Variants in TRPM8 observed in about 807,000 individuals in gnomAD.
TRPM8 encodes the protein transient receptor potential cation channel subfamily M member 8, also known as TRPM8 cationic channel.
In TRPM8, 110 loss-of-function variants were observed where a neutral mutation model predicts 133.7. That is an observed-to-expected ratio of 0.82 (90% CI 0.70 to 0.96). The LOEUF (loss-of-function observed/expected upper bound fraction) is 0.96. Among genes scored for constraint, TRPM8 ranks in the 40% least tolerant of loss-of-function variants. TRPM8 has a pLI of 0.00. For missense variants in TRPM8, 1,291 were observed against 1,379.5 expected (o/e 0.94, Z 1.02); for synonymous variants, 535 against 532.3 (o/e 1.01, Z -0.07).
At chr2:233,962,916 T>C (rs542539917) in intron 12 of TRPM8, among the ~76,000 whole-genome samples, 2 of 152,260 alleles carry the variant, frequency 1.3e-5, no homozygotes, top group South Asian at 2.1e-4. Flanking sequence ...ACTTAAGCCA[T>C]AGGAAAGTTG....
chr2:234,001,402 A>T (rs989526550), intron 22 of TRPM8, among the ~76,000 whole-genome samples: 2 of 152,234 alleles, frequency 1.3e-5, no homozygotes, highest in Non-Finnish European at 2.9e-5. Flanking sequence ...GACGGCCCCC[A>T]GAAACCAATG....
intron 17 of TRPM8, among the ~76,000 whole-genome samples, chr2:233,976,860 C>A (rs1691884876): frequency 6.6e-6 from 1 of 152,142 alleles, no homozygotes; most frequent in Non-Finnish European, 1.5e-5. Flanking sequence ...AATAATCCGA[C>A]ACTTGGGGTC....
intron 6 of TRPM8, among the ~76,000 whole-genome samples, chr2:233,943,824 A>T (rs962278102): frequency 3.9e-5 from 6 of 152,362 alleles, no homozygotes; most frequent in African/African-American, 1.2e-4. Flanking sequence ...TCCACATTTA[A>T]GCTACACCTT....
intron 21 of TRPM8, among the ~76,000 whole-genome samples, chr2:233,993,087 G>T (rs921655740): frequency 6.6e-6 from 1 of 152,128 alleles, no homozygotes; most frequent in Non-Finnish European, 1.5e-5. Context: ...GCTGTACCTC[G>T]GTGTATAAAT....
At chr2:233,927,771 T>TTCCTTCCTTCCTTCC (rs1337987216) in intron 2 of TRPM8, among the ~76,000 whole-genome samples, 3 of 61,658 alleles carry the variant, frequency 4.9e-5, no homozygotes, top group African/African-American at 4.2e-4. Context: ...TCTTTCTTTC[T>TTCCTTCCTTCCTTCC]TTCTTTCTTT....
intron 17 of TRPM8, among the ~76,000 whole-genome samples, chr2:233,972,980 G>A (rs974168870): frequency 6.6e-6 from 1 of 152,254 alleles, no homozygotes; most frequent in African/African-American, 2.4e-5. Flanking sequence ...GGCAGAGGAG[G>A]TGCCGAGAGC....
At chr2:233,991,747 AT>A (rs1429492421) in intron 21 of TRPM8, among the ~76,000 whole-genome samples, 6 of 151,930 alleles carry the variant, frequency 3.9e-5, no homozygotes, top group Admixed American at 1.3e-4. Context: ...TTACTGAAGT[AT>A]TTTTTTCTTT....
At chr2:233,945,596 G>A (rs982881930) in intron 6 of TRPM8, among the ~76,000 whole-genome samples, 1 of 152,082 alleles carries the variant, frequency 6.6e-6, no homozygotes, top group African/African-American at 2.4e-5. Context: ...AATGGGACTG[G>A]GAATCTGATC....
In TRPM8 at chr2:234,018,553, ATAT is replaced by A. The variant is rs1693014146; in HGVS notation, c.*1301_*1303del. Reference sequence around the variant, plus strand: ...CATGAACCTGAACTATTAAAATAAAATATTATATTTAACCCTTAGTTTAAGAAG... The same window carrying A: ...CATGAACCTGAACTATTAAAATAAAATATATTTAACCCTTAGTTTAAGAAG... On this transcript the variant is annotated 3_prime_UTR_variant, in exon 26 of 26. Transcript: ENST00000324695. 6.6e-6 allele frequency: 1 copy of A among 152,036 alleles called. No individual in the cohort carries two copies. Among genetic ancestry groups the A allele is most frequent in the Non-Finnish European group, 1.5e-5 (1 of 68,008 alleles). The allele number at this position is 152,036 out of a possible 1,614,324, so 9.4% of individuals were successfully genotyped here.
chr2:233,987,776 GT>G (rs1167076153), intron 21 of TRPM8, among the ~76,000 whole-genome samples: 3 of 152,204 alleles, frequency 2.0e-5, no homozygotes, highest in Non-Finnish European at 2.9e-5. Flanking sequence ...CATGGGAGCG[GT>G]TTCCCCCATA....
At chr2:234,001,577 A>T (rs765197495) in intron 22 of TRPM8, among the ~76,000 whole-genome samples, 12 of 152,208 alleles carry the variant, frequency 7.9e-5, no homozygotes, top group Non-Finnish European at 1.3e-4. Context: ...ACAGATCTAA[A>T]TTGGAAAATT....
Position 233,985,753 on chromosome 2 carries a change from C to G in TRPM8, c.2827C>G (p.Leu943Val), listed in dbSNP as rs1692131192. The G allele has an allele frequency of 1.2e-6, 2 of 1,614,214 alleles. No homozygotes were observed. The highest frequency in any genetic ancestry group is 1.7e-6 in the Non-Finnish European group (2 of 1,180,034). Residue 943 changes from leucine (L) to valine (V), a missense_variant, in exon 21 of 26, where the codon CTG (leucine) becomes GTG (valine). By Grantham distance (32) the Leu-to-Val change is conservative. Around this residue, in one of 2 missense-constraint regions of TRPM8, gnomAD observed 328 missense variants for 410.6 expected, o/e 0.80. Transcript: ENST00000324695. ...GNESKPLCVE[L>V]DEHNLPRFPE... ...TGAGTCCAAGCCACTGTGTGTGGAG[C>G]TGGATGAGCACAACCTGCCCCGGTT...
At position 233,980,221 on chromosome 2, in the gene TRPM8, C is replaced by T. The variant is rs181793077; in HGVS notation, c.2389C>T (p.Leu797=). 3 of 1,603,752 alleles carry T rather than the reference C, an allele frequency of 1.9e-6. No individual in the cohort carries two copies. In the African/African-American group the frequency reaches 4.0e-5, roughly 22 times the overall value. ...YVNGVNYFTD[L]WNVMDTLGLF... ...AAATGGGGTGAATTATTTTACTGAC[C>T]TGTGGAATGTGATGGACACGCTGGG... Residue 797 remains leucine (L), a synonymous_variant, in exon 18 of 26, where the codon CTG becomes TTG. Coordinates refer to ENST00000324695, the MANE Select transcript of TRPM8 (RefSeq NM_024080.5).
At chr2:233,971,824 C>A (rs1439853505) in intron 17 of TRPM8, among the ~76,000 whole-genome samples, 1 of 152,058 alleles carries the variant, frequency 6.6e-6, no homozygotes, top group African/African-American at 2.4e-5. Context: ...AAGAACAAAG[C>A]TTCCACACTG....
chr2:234,008,008 A>C, intron 23 of TRPM8, 62 bp from the exon 24 acceptor site: 14 of 1,479,592 alleles, frequency 9.5e-6, no homozygotes, highest in African/African-American at 1.4e-5. Context: ...AATGGAGCCT[A>C]ATAGCCCTCT....
chr2:234,012,961 G>A (rs1002782600), intron 24 of TRPM8, among the ~76,000 whole-genome samples: 2 of 152,078 alleles, frequency 1.3e-5, no homozygotes, highest in East Asian at 3.8e-4. Context: ...GCATCCCAGG[G>A]CTAAATACCC....
intron 8 of TRPM8, 78 bp from the exon 9 acceptor site, chr2:233,949,871 T>C (rs1691131646): frequency 2.3e-5 from 32 of 1,369,018 alleles, no homozygotes; most frequent in Non-Finnish European, 3.2e-5. Flanking sequence ...TCCTCCAGCT[T>C]GGCTCAGAAC....
rs1691770047 is a variant in TRPM8 at position 233,935,356 on chromosome 2, G to T, written c.192-1997G>T. Among the ~76,000 whole-genome samples the T allele has an allele frequency of 2.6e-5, 4 of 152,288 alleles. No homozygotes were observed. In the South Asian group the frequency reaches 8.3e-4, roughly 32 times the overall value. ...TGCACAAGGATGCTGGGGTGAGTGG[G>T]GCTGAATCTTGTTATCTGACCCTGC... On this transcript the variant is annotated intron_variant, in intron 3 of 25. Transcript: ENST00000324695.
At chr2:233,930,506 A>AT (rs1300495285) in intron 2 of TRPM8, among the ~76,000 whole-genome samples, 162 bp from the exon 3 acceptor site, 3 of 152,230 alleles carry the variant, frequency 2.0e-5, no homozygotes, top group Non-Finnish European at 2.9e-5. Flanking sequence ...TTTAAAAAAA[A>AT]TTTTGTATAC....
Sources: gnomAD v4.1 joint callset for allele counts (sites outside exome capture counted in the v4.1 genomes callset) on GRCh38, gnomAD v4.1.1 for gene constraint, gnomAD v4.1.1 regional missense constraint, MANE v1.5 for transcripts, NCBI Gene and HGNC (gene_info 2026-07-23, HGNC 2026-07-21) for gene names.